CRIM1: variants seen among roughly 807,000 people sequenced by gnomAD.
CRIM1 encodes the protein cysteine rich transmembrane BMP regulator 1.
CRIM1 carries 32 observed loss-of-function variants against 116.4 expected under a neutral mutation model. That is an observed-to-expected ratio of 0.27 (90% CI 0.21 to 0.37). The LOEUF is 0.37. Among genes scored for constraint, CRIM1 ranks in the 10% least tolerant of loss-of-function variants. The pLI is 1.00. For missense variants in CRIM1, 1,331 were observed against 1,354.8 expected (o/e 0.98, Z 0.28); for synonymous variants, 590 against 509.2 (o/e 1.16, Z -2.13).
At chr2:36,405,753 A>G (rs1268176332) in intron 2 of CRIM1, among the ~76,000 whole-genome samples, 1 of 152,174 alleles carries the variant, frequency 6.6e-6, no homozygotes, top group African/African-American at 2.4e-5. Flanking sequence ...TTGTTTTTTT[A>G]AAAAAGCATA....
rs576185831 is a variant in CRIM1, at chr2:36,485,108, T to G, written c.1372+5414T>G. On this transcript the variant is annotated intron_variant, in intron 7 of 16. Transcript: ENST00000280527. ...CCCAGCTGAGTTTCAGGCCTAATAA[T>G]TCTGCTAACCTGGACTTAACTCTTG... is the stretch of plus-strand genomic sequence containing the variant. 6.6e-5 allele frequency among the ~76,000 whole-genome samples: 10 copies of G among 152,348 alleles called. No individual in the cohort carries two copies. In the South Asian group the frequency reaches 2.1e-3, roughly 32 times the overall value.
intron 1 of CRIM1, among the ~76,000 whole-genome samples, chr2:36,377,931 C>G (rs376524619): frequency 2.0e-5 from 3 of 152,142 alleles, no homozygotes; most frequent in African/African-American, 7.2e-5. Flanking sequence ...TCATACCTAA[C>G]AAACTCAGTC....
intron 5 of CRIM1, among the ~76,000 whole-genome samples, chr2:36,475,843 G>C (rs958887504): frequency 6.6e-6 from 1 of 152,090 alleles, no homozygotes; most frequent in Admixed American, 6.5e-5. Context: ...TGATCATGTT[G>C]CTTTTTTTCC....
At chr2:36,504,871 C>T (rs904689558) in intron 8 of CRIM1, among the ~76,000 whole-genome samples, 1 of 152,146 alleles carries the variant, frequency 6.6e-6, no homozygotes, top group African/African-American at 2.4e-5. Flanking sequence ...ATCTTTAAAT[C>T]AAGTGGATTT....
intron 8 of CRIM1, among the ~76,000 whole-genome samples, chr2:36,504,554 GA>G (rs1435095196): frequency 6.6e-6 from 1 of 152,124 alleles, no homozygotes; most frequent in African/African-American, 2.4e-5. Context: ...GTAACACTAA[GA>G]AAAGTAGTAC....
At chr2:36,401,542 G>T (rs750507205) in intron 2 of CRIM1, among the ~76,000 whole-genome samples, 34 of 152,200 alleles carry the variant, frequency 2.2e-4, no homozygotes, top group Non-Finnish European at 3.7e-4. Flanking sequence ...AGTAGTAAAA[G>T]CAGTGCCAGC....
intron 7 of CRIM1, among the ~76,000 whole-genome samples, chr2:36,483,466 A>G (rs1308256427): frequency 6.6e-6 from 1 of 152,208 alleles, no homozygotes; most frequent in Non-Finnish European, 1.5e-5. Context: ...TCCCTTCGGT[A>G]TGGGTGCTGT....
intron 8 of CRIM1, among the ~76,000 whole-genome samples, chr2:36,507,237 G>A (rs1287126749): frequency 1.3e-5 from 2 of 152,152 alleles, no homozygotes; most frequent in East Asian, 3.9e-4. Context: ...GTGGATTTAG[G>A]ACTACCTTCC....
At chr2:36,382,380 G>C (rs1670848265) in intron 1 of CRIM1, among the ~76,000 whole-genome samples, 1 of 152,260 alleles carries the variant, frequency 6.6e-6, no homozygotes, top group South Asian at 2.1e-4. Context: ...TGTGTTTCCT[G>C]TGCAGCTGGA....
At chr2:36,486,384 G>C (rs1236028826) in intron 7 of CRIM1, among the ~76,000 whole-genome samples, 2 of 152,140 alleles carry the variant, frequency 1.3e-5, no homozygotes, top group African/African-American at 4.8e-5. Flanking sequence ...GCTTGTGTCG[G>C]TAATGCCTTG....
intron 2 of CRIM1, among the ~76,000 whole-genome samples, chr2:36,426,925 G>A (rs191011579): frequency 2.3e-3 from 346 of 152,256 alleles, no homozygotes; most frequent in African/African-American, 7.8e-3. Context: ...AAAAGGAGCC[G>A]TGCGCAGTGG....
intron 12 of CRIM1, among the ~76,000 whole-genome samples, chr2:36,517,889 GTCA>G (rs932084069): frequency 1.3e-5 from 2 of 152,170 alleles, no homozygotes; most frequent in African/African-American, 4.8e-5. Context: ...ACTGTGAAAA[GTCA>G]TCTTTATGTA....
intron 1 of CRIM1, among the ~76,000 whole-genome samples, chr2:36,367,779 G>A (rs928555227): frequency 3.3e-5 from 5 of 152,168 alleles, no homozygotes; most frequent in African/African-American, 1.2e-4. Context: ...CGTAGTATTG[G>A]GAAGTTAGTG....
chr2:36,513,951 C>T (rs1460667086), intron 11 of CRIM1, among the ~76,000 whole-genome samples, 186 bp downstream of exon 11: 2 of 152,172 alleles, frequency 1.3e-5, no homozygotes, highest in Admixed American at 6.5e-5. Context: ...AACCAAAGAC[C>T]AGAGAAAATT....
At chr2:36,531,725 C>T in intron 13 of CRIM1, 1 of 329,450 alleles carries the variant, frequency 3.0e-6, no homozygotes, top group Non-Finnish European at 6.0e-6. Context: ...GCCGCTTCTT[C>T]CTCCTCTTGT....
chr2:36,399,647 A>G (rs979801674), intron 2 of CRIM1, among the ~76,000 whole-genome samples: 1 of 152,250 alleles, frequency 6.6e-6, no homozygotes, highest in African/African-American at 2.4e-5. Context: ...AGAAGAGCTT[A>G]AGAAAATATA....
At chr2:36,430,077 C>G (rs781498868) in intron 2 of CRIM1, among the ~76,000 whole-genome samples, 41 of 152,204 alleles carry the variant, frequency 2.7e-4, no homozygotes, top group Non-Finnish European at 4.6e-4. Context: ...TCCAGCACAT[C>G]CCGTCAGCCA....
chr2:36,469,184 C>T (rs562874588), intron 5 of CRIM1, among the ~76,000 whole-genome samples: 1 of 152,178 alleles, frequency 6.6e-6, no homozygotes, highest in South Asian at 2.1e-4. Context: ...CCCAGTGGTG[C>T]CAAGAGTGGT....
intron 5 of CRIM1, among the ~76,000 whole-genome samples, chr2:36,467,677 GA>G (rs1678157507): frequency 6.6e-6 from 1 of 152,176 alleles, no homozygotes; most frequent in African/African-American, 2.4e-5. Flanking sequence ...AGTAAAAGTT[GA>G]AAGTGAAAAA....
Sources: allele counts gnomAD v4.1 joint callset (sites outside exome capture counted in the v4.1 genomes callset), GRCh38; gene constraint gnomAD v4.1.1; transcripts MANE v1.5; gene names NCBI Gene and HGNC (gene_info 2026-07-23, HGNC 2026-07-21).